Variants in KCNMA1 observed in about 807,000 individuals in gnomAD.
KCNMA1 encodes Calcium-activated potassium channel subunit alpha-1.
In KCNMA1, 29 loss-of-function variants were observed where a neutral mutation model predicts 140.0. That is an observed-to-expected ratio of 0.21 (90% CI 0.15 to 0.28). The LOEUF (loss-of-function observed/expected upper bound fraction) is 0.28. Ranked by LOEUF, KCNMA1 falls within the 10% of genes least tolerant of loss-of-function variation. The pLI is 1.00. For synonymous variants in KCNMA1, 612 were observed against 611.9 expected (o/e 1.00, Z 0.00); for missense variants, 880 against 1,602.2 (o/e 0.55, Z 7.70).
At chr10:77,484,642 G>C (rs1213609453) in intron 1 of KCNMA1, among the ~76,000 whole-genome samples, 2 of 152,220 alleles carry the variant, frequency 1.3e-5, no homozygotes, top group African/African-American at 4.8e-5. Flanking sequence ...GCCCCTGCCT[G>C]TGTATCTCCA....
At chr10:77,211,937 C>A (rs1440809276) in intron 3 of KCNMA1, among the ~76,000 whole-genome samples, 1 of 152,074 alleles carries the variant, frequency 6.6e-6, no homozygotes. Flanking sequence ...ACTAAAAAAT[C>A]AAAAAACAAC....
chr10:77,363,120 A>ATTTTTT (rs59354140), intron 2 of KCNMA1, among the ~76,000 whole-genome samples: 2 of 151,036 alleles, frequency 1.3e-5, no homozygotes, highest in South Asian at 2.1e-4. Context: ...AATTATTATT[A>ATTTTTT]TTTTTTTTTT....
intron 1 of KCNMA1, among the ~76,000 whole-genome samples, chr10:77,604,407 G>A (rs2083674757): frequency 6.6e-6 from 1 of 152,202 alleles, no homozygotes. Flanking sequence ...ATTTATTTTA[G>A]TTTTTAAAAG....
rs185150006 is a variant in KCNMA1, at chr10:77,455,202, C to T, written c.379-51179G>A. Among the ~76,000 whole-genome samples the T allele has an allele frequency of 7.8e-4, 119 of 152,318 alleles. 1 individual carries two copies. Among genetic ancestry groups the T allele is most frequent in the African/African-American group, 2.6e-3 (110 of 41,574 alleles). ...TCCAATCTTCAGAACCGGGCTCTCACACCAAGCCCAAGCACAGGCAGCTAC... is the reference window on the plus strand; with the variant it reads ...TCCAATCTTCAGAACCGGGCTCTCATACCAAGCCCAAGCACAGGCAGCTAC... On this transcript the variant is annotated intron_variant, in intron 1 of 27. Coordinates refer to ENST00000286628, the MANE Select transcript of KCNMA1 (RefSeq NM_001161352.2).
intron 19 of KCNMA1, among the ~76,000 whole-genome samples, chr10:76,972,293 G>T (rs2076303817): frequency 6.6e-6 from 1 of 152,152 alleles, no homozygotes; most frequent in Admixed American, 6.5e-5. Context: ...ATCTAACCTA[G>T]TCTACCACGG....
At chr10:76,965,224 G>A (rs1030320026) in intron 20 of KCNMA1, among the ~76,000 whole-genome samples, 7 of 152,150 alleles carry the variant, frequency 4.6e-5, no homozygotes, top group African/African-American at 1.7e-4. Flanking sequence ...GGAAAACTAG[G>A]ATGATTTTAG....
intron 2 of KCNMA1, among the ~76,000 whole-genome samples, chr10:77,321,830 T>C (rs2082417861): frequency 6.6e-6 from 1 of 152,234 alleles, no homozygotes; most frequent in African/African-American, 2.4e-5. Context: ...TAGAAAGTTC[T>C]AGTTCCATTC....
intron 19 of KCNMA1, among the ~76,000 whole-genome samples, chr10:76,971,352 C>T (rs1407998373): frequency 1.3e-5 from 2 of 152,098 alleles, no homozygotes; most frequent in African/African-American, 4.8e-5. Context: ...TCCAGGAAGA[C>T]CCATATTAGA....
chr10:77,393,873 C>T (rs563364307), intron 2 of KCNMA1, among the ~76,000 whole-genome samples: 21 of 152,326 alleles, frequency 1.4e-4, no homozygotes, highest in Middle Eastern at 3.4e-3. Context: ...TGAAGCAAAG[C>T]GGACAGAGAC....
At chr10:77,426,866 T>C (rs1470760375) in intron 1 of KCNMA1, among the ~76,000 whole-genome samples, 1 of 152,202 alleles carries the variant, frequency 6.6e-6, no homozygotes, top group Non-Finnish European at 1.5e-5. Context: ...CTTTCCAACT[T>C]GTGACCTGGA....
chr10:77,636,913 T>A, intron 1 of KCNMA1: 1 of 1,417,934 alleles, frequency 7.1e-7, no homozygotes, highest in Non-Finnish European at 9.1e-7. Flanking sequence ...CCCAGCTTCC[T>A]CCGTCCCCGC....
At chr10:77,536,320 G>A (rs1349165060) in intron 1 of KCNMA1, among the ~76,000 whole-genome samples, 1 of 152,250 alleles carries the variant, frequency 6.6e-6, no homozygotes, top group Non-Finnish European at 1.5e-5. Context: ...GCATCTCGGA[G>A]CAGGAGGACG....
At chr10:77,103,698 G>A (rs976318294) in intron 9 of KCNMA1, among the ~76,000 whole-genome samples, 1 of 152,210 alleles carries the variant, frequency 6.6e-6, no homozygotes, top group African/African-American at 2.4e-5. Flanking sequence ...GCCTTTCATT[G>A]CTAGAAGTGT....
intron 2 of KCNMA1, among the ~76,000 whole-genome samples, chr10:77,388,734 G>A (rs902825882): frequency 2.6e-5 from 4 of 152,216 alleles, no homozygotes; most frequent in Admixed American, 6.5e-5. Flanking sequence ...AAATGAAAGA[G>A]AAACTGGTTA....
chr10:77,175,859 T>C (rs780636199), intron 5 of KCNMA1, among the ~76,000 whole-genome samples: 1 of 152,144 alleles, frequency 6.6e-6, no homozygotes, highest in Non-Finnish European at 1.5e-5. Context: ...GCTGTGCATA[T>C]GGGGATGCCA....
At chr10:77,434,012 A>G (rs1365777797) in intron 1 of KCNMA1, among the ~76,000 whole-genome samples, 5 of 152,154 alleles carry the variant, frequency 3.3e-5, no homozygotes, top group African/African-American at 7.2e-5. Context: ...GCTCAGTTAA[A>G]CTTTTTATGT....
intron 2 of KCNMA1, among the ~76,000 whole-genome samples, chr10:77,280,494 G>A (rs2154294873): frequency 6.6e-6 from 1 of 152,214 alleles, no homozygotes; most frequent in Non-Finnish European, 1.5e-5. Context: ...GTAAGTGTCT[G>A]TTCTTTTCTT....
intron 2 of KCNMA1, among the ~76,000 whole-genome samples, chr10:77,360,465 GTC>G (rs1186426668): frequency 2.0e-5 from 3 of 152,174 alleles, no homozygotes; most frequent in Non-Finnish European, 2.9e-5. Flanking sequence ...CCTTGTTTCA[GTC>G]TCTGATTCCT....
intron 2 of KCNMA1, among the ~76,000 whole-genome samples, chr10:77,287,018 A>C (rs2071229468): frequency 6.6e-6 from 1 of 152,202 alleles, no homozygotes; most frequent in South Asian, 2.1e-4. Context: ...TTCATCCAAT[A>C]CAAATGCCAC....
Sources: allele counts gnomAD v4.1 joint callset (sites outside exome capture counted in the v4.1 genomes callset), GRCh38; gene constraint gnomAD v4.1.1; transcripts MANE v1.5; gene names NCBI Gene and HGNC (gene_info 2026-07-23, HGNC 2026-07-21).